Variants in IGSF3 observed in about 807,000 individuals in gnomAD.
IGSF3 encodes immunoglobulin superfamily member 3, also known as glu-Trp-Ile EWI motif-containing protein 3.
Under a neutral mutation model 114.4 loss-of-function variants are expected in IGSF3, and 23 were observed. The observed-to-expected ratio is 0.20, with a 90% CI of 0.14 to 0.28. IGSF3 has a LOEUF of 0.28. Ranked by LOEUF, IGSF3 falls within the 10% of genes least tolerant of loss-of-function variation. The probability of loss-of-function intolerance (pLI) is 1.00; values close to 1 mark genes in which losing one functional copy is unlikely to be tolerated. For synonymous variants in IGSF3, 571 were observed against 645.2 expected, an observed-to-expected ratio of 0.88 and a Z score of 1.74; for missense variants, 1,172 against 1,591.5, an observed-to-expected ratio of 0.74 and a Z score of 4.48.
At position 116,579,365 on chromosome 1, in the gene IGSF3, T is replaced by C. The variant is rs1659489539; in HGVS notation, c.3334+27A>G. ...GACACAGTTGGAACCAACAGTGACA[T>C]CCTCCCTCTGTACTTGGGAAACTCA... On this transcript the variant is annotated intron_variant, in intron 10 of 10. Transcript: ENST00000369486. This position sits in a 1 kb window ranked among gnomAD's most constrained non-coding sequence, Gnocchi z 6.4. The C allele has an allele frequency of 6.6e-7, 1 of 1,525,498 alleles. No individual in the cohort carries two copies. The highest frequency in any genetic ancestry group is 1.3e-5 in the South Asian group (1 of 76,612). The allele number at this position is 1,525,498 out of a possible 1,614,324, so 94.5% of individuals were successfully genotyped here. A position where few individuals can be genotyped will look rare whatever the true frequency, so the allele number is the denominator to read the frequency against.
Position 116,633,798 on chromosome 1 carries a change from T to A in IGSF3, c.44-17341A>T, listed in dbSNP as rs1235765389. The stretch of plus-strand genomic sequence containing the variant: ...AGAAAGCAAAAATGAAAAGCCAACA[T>A]AGAAAAAGTCTGACTTGAATTAGAA... On this transcript the variant is annotated intron_variant, in intron 2 of 10. Transcript: ENST00000369486. The surrounding 1 kb of genome is among the most constrained non-coding windows in gnomAD (Gnocchi z 4.3). 6.6e-6 allele frequency among the ~76,000 whole-genome samples: 1 copy of A among 152,154 alleles called. No individual in the cohort carries two copies. Among genetic ancestry groups the A allele is most frequent in the Non-Finnish European group, 1.5e-5 (1 of 68,024 alleles).
chr1:116,618,476 A>C lies in IGSF3; in HGVS notation c.44-2019T>G, dbSNP rs966521852. On this transcript the variant is annotated intron_variant, in intron 2 of 10. Coordinates refer to ENST00000369486, the MANE Select transcript of IGSF3 (RefSeq NM_001007237.3). This position sits in a 1 kb window ranked among gnomAD's most constrained non-coding sequence, Gnocchi z 4.7. Reference sequence around the variant, plus strand: ...TAAGATTATAATGGAGCATATATAGAGATCTAATATATGGCACTTAATGTT... The same window carrying C: ...TAAGATTATAATGGAGCATATATAGCGATCTAATATATGGCACTTAATGTT... Among the ~76,000 whole-genome samples the C allele has an allele frequency of 2.1e-4, 32 of 152,246 alleles. No homozygotes were observed. The highest frequency in any genetic ancestry group is 8.8e-5 in the Non-Finnish European group (6 of 68,046).
chr1:116,641,477 C>T (rs1239492420), intron 2 of IGSF3, among the ~76,000 whole-genome samples: 3 of 95,064 alleles, frequency 3.2e-5, no homozygotes, highest in African/African-American at 1.3e-4. Context: ...GCATGGGCAA[C>T]AGGGCAAGAC....
rs1415854663 is a variant in IGSF3 at position 116,634,353 on chromosome 1, G to A, written c.44-17896C>T. Among the ~76,000 whole-genome samples the A allele has an allele frequency of 1.3e-5, 2 of 152,172 alleles. No homozygotes were observed. The highest frequency in any genetic ancestry group is 3.9e-4 in the East Asian group (2 of 5,190). On this transcript the variant is annotated intron_variant, in intron 2 of 10. Transcript: ENST00000369486. The surrounding 1 kb of genome is among the most constrained non-coding windows in gnomAD (Gnocchi z 4.2). The stretch of plus-strand genomic sequence containing the variant: ...AGCGGAGAGAACAACTAAAAAACAA[G>A]AGCCACGTGTTCCCATGGTCCTGGC...
rs1446587833 is a variant in IGSF3, at chr1:116,654,138, C to A, written c.43+12146G>T. The stretch of plus-strand genomic sequence containing the variant: ...TATGTGAAGCAGAATTCCCAACACA[C>A]CACCATCTCCAAACCAACACCAAAC... On this transcript the variant is annotated intron_variant, in intron 2 of 10. Transcript: ENST00000369486. This position sits in a 1 kb window ranked among gnomAD's most constrained non-coding sequence, Gnocchi z 4.4. 6.6e-6 allele frequency among the ~76,000 whole-genome samples: 1 copy of A among 152,224 alleles called. No homozygotes were observed. The highest frequency in any genetic ancestry group is 2.1e-4 in the South Asian group (1 of 4,834).
At chr1:116,621,069 G>T (rs2101025167) in intron 2 of IGSF3, among the ~76,000 whole-genome samples, 1 of 152,204 alleles carries the variant, frequency 6.6e-6, no homozygotes, top group Non-Finnish European at 1.5e-5. Flanking sequence ...TCACCCTTTT[G>T]GTGCTGTGCT....
chr1:116,645,269 G>A (rs1402732642), intron 2 of IGSF3, among the ~76,000 whole-genome samples: 2 of 152,258 alleles, frequency 1.3e-5, no homozygotes, highest in African/African-American at 2.4e-5. Flanking sequence ...GCTACACACT[G>A]TAGGATGCCA....
Position 116,598,464 on chromosome 1 carries a change from C to T in IGSF3, c.2029+1477G>A, listed in dbSNP as rs1300313271. On this transcript the variant is annotated intron_variant, in intron 7 of 10. Transcript: ENST00000369486. The surrounding 1 kb of genome is among the most constrained non-coding windows in gnomAD (Gnocchi z 4.3). ...TTTAGGCTGTCATTGGCCAAGGGAA[C>T]AGTCTCGTCATTTATACAACTCACT... Among the ~76,000 whole-genome samples the T allele has an allele frequency of 6.6e-6, 1 of 152,212 alleles. No individual in the cohort carries two copies. Among genetic ancestry groups the T allele is most frequent in the African/African-American group, 2.4e-5 (1 of 41,452 alleles).
intron 4 of IGSF3, among the ~76,000 whole-genome samples, chr1:116,609,550 CA>C (rs1660931665): frequency 6.6e-6 from 1 of 152,180 alleles, no homozygotes; most frequent in East Asian, 1.9e-4. Flanking sequence ...CGGCAGAAGT[CA>C]GGGGGAAGAA....
rs1453740711 is a variant in IGSF3 at position 116,629,373 on chromosome 1, G to A, written c.44-12916C>T. ...GCTAAAGGGAGGTGGGGTAATAAGG[G>A]ATTGTTTTTTCTTTGCACTTTGTGT... On this transcript the variant is annotated intron_variant, in intron 2 of 10. Coordinates refer to ENST00000369486, the MANE Select transcript of IGSF3 (RefSeq NM_001007237.3). This position sits in a 1 kb window ranked among gnomAD's most constrained non-coding sequence, Gnocchi z 4.3. Among the ~76,000 whole-genome samples, 3 of 152,210 alleles carry A rather than the reference G, an allele frequency of 2.0e-5. No individual in the cohort carries two copies. The highest frequency in any genetic ancestry group is 6.5e-5 in the Admixed American group (1 of 15,278).
chr1:116,595,562 G>A lies in IGSF3; in HGVS notation c.2029+4379C>T, dbSNP rs1259726735. On this transcript the variant is annotated intron_variant, in intron 7 of 10. Transcript: ENST00000369486. This position sits in a 1 kb window ranked among gnomAD's most constrained non-coding sequence, Gnocchi z 4.2. ...AAAACCGATTTGGCAACATCCAGAG[G>A]GTATTAAATATTCATCCTGACTGCC... is the stretch of plus-strand genomic sequence containing the variant. 1.3e-5 allele frequency among the ~76,000 whole-genome samples: 2 copies of A among 152,118 alleles called. No homozygotes were observed. Among genetic ancestry groups the A allele is most frequent in the African/African-American group, 4.8e-5 (2 of 41,426 alleles).
rs1660845814 is a variant in IGSF3 at position 116,607,808 on chromosome 1, T to C, written c.1222+134A>G. The stretch of plus-strand genomic sequence containing the variant: ...ACAGGGAAGAGAGGCTCAATGGTTT[T>C]TCCCCCAGCTCTGCATTAACCTCGA... On this transcript the variant is annotated intron_variant, in intron 5 of 10. Transcript: ENST00000369486. This position sits in a 1 kb window ranked among gnomAD's most constrained non-coding sequence, Gnocchi z 6.1. 3.5e-6 allele frequency: 3 copies of C among 857,884 alleles called. No individual in the cohort carries two copies. The highest frequency in any genetic ancestry group is 2.4e-5 in the East Asian group (1 of 40,854). The allele number at this position is 857,884 out of a possible 1,614,324, so 53.1% of individuals were successfully genotyped here.
intron 6 of IGSF3, among the ~76,000 whole-genome samples, chr1:116,601,862 C>T (rs1465872844): frequency 6.6e-6 from 1 of 152,150 alleles, no homozygotes; most frequent in Non-Finnish European, 1.5e-5. Context: ...GGACCCACAC[C>T]AGGTGCTCCT....
In IGSF3 at chr1:116,588,453, G is replaced by A. The variant is rs1659945167; in HGVS notation, c.2440+241C>T. 1.3e-5 allele frequency among the ~76,000 whole-genome samples: 2 copies of A among 152,272 alleles called. No homozygotes were observed. The highest frequency in any genetic ancestry group is 4.8e-5 in the African/African-American group (2 of 41,556). On this transcript the variant is annotated intron_variant, in intron 8 of 10. Coordinates refer to ENST00000369486, the MANE Select transcript of IGSF3 (RefSeq NM_001007237.3). The surrounding 1 kb of genome is among the most constrained non-coding windows in gnomAD (Gnocchi z 4.9). ...AGCTGCCCTGCTCCTTGGTGAAGAT[G>A]GTATCCACAGAAGCAGAGTCAAGGA... is the stretch of plus-strand genomic sequence containing the variant.
Position 116,585,079 on chromosome 1 carries a change from C to G in IGSF3, c.2441-27G>C. The G allele has an allele frequency of 6.7e-7, 1 of 1,498,052 alleles. No homozygotes were observed. The highest frequency in any genetic ancestry group is 8.9e-7 in the Non-Finnish European group (1 of 1,122,830). 92.8% of individuals were successfully genotyped at this position (1,498,052 alleles called of 1,614,324 possible). The stretch of plus-strand genomic sequence containing the variant: ...TGGAACAGTAAGGAAGAGACGTCAG[C>G]GACAAAAGGACAACAAGCAATTCGT... On this transcript the variant is annotated intron_variant, in intron 8 of 10. Transcript: ENST00000369486. The surrounding 1 kb of genome is among the most constrained non-coding windows in gnomAD (Gnocchi z 4.9).
rs1276835460 is a variant in IGSF3, at chr1:116,585,016, A to G, written c.2477T>C (p.Leu826Pro). Residue 826 changes from leucine (L) to proline (P), a missense_variant, in exon 9 of 11, where the codon CTG (leucine) becomes CCG (proline). Leu to Pro is a moderately conservative substitution (Grantham distance 98). Coordinates refer to ENST00000369486, the MANE Select transcript of IGSF3 (RefSeq NM_001007237.3). The surrounding 1 kb of genome is among the most constrained non-coding windows in gnomAD (Gnocchi z 4.9). Reference protein sequence around the residue: ...RLRLSQAQGNLSVLETRQVQL... With the variant: ...RLRLSQAQGNPSVLETRQVQL... Reference sequence around the variant, plus strand: ...TACCTGCCGGGTCTCCAGAACCGACAGGTTCCCCTGGGCTTGGCTGAGCCT... The same window carrying G: ...TACCTGCCGGGTCTCCAGAACCGACGGGTTCCCCTGGGCTTGGCTGAGCCT... 5 of 1,563,156 alleles carry G rather than the reference A, an allele frequency of 3.2e-6. No homozygotes were observed. Among genetic ancestry groups the G allele is most frequent in the Non-Finnish European group, 4.4e-6 (5 of 1,149,060 alleles).
intron 7 of IGSF3, among the ~76,000 whole-genome samples, chr1:116,599,652 G>C (rs1374243185): frequency 2.0e-5 from 3 of 152,120 alleles, no homozygotes; most frequent in Admixed American, 1.3e-4. Context: ...AAGTACTTAG[G>C]GGGAAGTGTC....
At position 116,636,877 on chromosome 1, in the gene IGSF3, C is replaced by T. The variant is rs903138266; in HGVS notation, c.44-20420G>A. Among the ~76,000 whole-genome samples, 7 of 152,252 alleles carry T rather than the reference C, an allele frequency of 4.6e-5. No homozygotes were observed. Among genetic ancestry groups the T allele is most frequent in the African/African-American group, 1.2e-4 (5 of 41,558 alleles). On this transcript the variant is annotated intron_variant, in intron 2 of 10. Transcript: ENST00000369486. The surrounding 1 kb of genome is among the most constrained non-coding windows in gnomAD (Gnocchi z 4.5). ...GTGACAAATGGCTCCACAGATCTAC[C>T]GGGCCATGGAGCTGAGCAGATGGGA...
rs568382227 is a variant in IGSF3, at chr1:116,655,624, G to T, written c.43+10660C>A. 6.6e-6 allele frequency among the ~76,000 whole-genome samples: 1 copy of T among 152,294 alleles called. No individual in the cohort carries two copies. Among genetic ancestry groups the T allele is most frequent in the East Asian group, 1.9e-4 (1 of 5,190 alleles). ...GCCAGCAACCTTAAAGGCTACTCGG[G>T]TCCAGTTCATTCTATCTGGAGGAGT... On this transcript the variant is annotated intron_variant, in intron 2 of 10. Coordinates refer to ENST00000369486, the MANE Select transcript of IGSF3 (RefSeq NM_001007237.3). This position sits in a 1 kb window ranked among gnomAD's most constrained non-coding sequence, Gnocchi z 4.3.
Sources: allele counts gnomAD v4.1 joint callset (sites outside exome capture counted in the v4.1 genomes callset), GRCh38; gene constraint gnomAD v4.1.1; non-coding constraint Gnocchi (gnomAD v3.1); transcripts MANE v1.5; gene names NCBI Gene and HGNC (gene_info 2026-07-23, HGNC 2026-07-21).